The following GABRG3 variants were observed in gnomAD, a reference collection of about 807,000 sequenced individuals.
GABRG3 encodes the protein gamma-aminobutyric acid receptor subunit gamma-3.
GABRG3 carries 25 observed loss-of-function variants against 48.8 expected under a neutral mutation model. The observed-to-expected ratio is 0.51, with a 90% confidence interval of 0.37 to 0.72. The LOEUF is 0.72. GABRG3 is among the 30% of genes least tolerant of loss of function. GABRG3 has a pLI of 0.00. For missense variants in GABRG3, 394 were observed against 577.9 expected (o/e 0.68, Z 3.26); for synonymous variants, 227 against 217.6 (o/e 1.04, Z -0.38).
At chr15:27,000,832 A>G (rs1273496815) in intron 2 of GABRG3, among the ~76,000 whole-genome samples, 1 of 152,200 alleles carries the variant, frequency 6.6e-6, no homozygotes, top group African/African-American at 2.4e-5. Flanking sequence ...TTCTTCATAA[A>G]TTGTCCAGTC....
At chr15:27,281,065 A>G (rs1377091759) in intron 3 of GABRG3, among the ~76,000 whole-genome samples, 1 of 152,156 alleles carries the variant, frequency 6.6e-6, no homozygotes, top group African/African-American at 2.4e-5. Flanking sequence ...TTTTATTCTT[A>G]GGTAATGTTC....
intron 3 of GABRG3, among the ~76,000 whole-genome samples, chr15:27,214,024 G>C (rs930308572): frequency 6.6e-6 from 1 of 152,182 alleles, no homozygotes; most frequent in Admixed American, 6.5e-5. Flanking sequence ...TTTTTTAGCA[G>C]GTAAAATCAC....
chr15:26,981,053 A>G (rs771676475), intron 2 of GABRG3, among the ~76,000 whole-genome samples: 35 of 152,194 alleles, frequency 2.3e-4, no homozygotes, highest in Non-Finnish European at 2.6e-4. Context: ...AGAAACCTGC[A>G]CATGTACCCC....
intron 3 of GABRG3, among the ~76,000 whole-genome samples, chr15:27,242,430 TATTA>T (rs1890154270): frequency 6.6e-6 from 1 of 152,210 alleles, no homozygotes; most frequent in Non-Finnish European, 1.5e-5. Context: ...CTAACCAAAT[TATTA>T]ATTAACTAGG....
intron 5 of GABRG3, among the ~76,000 whole-genome samples, chr15:27,351,668 TTG>T (rs907427256): frequency 2.1e-5 from 3 of 146,120 alleles, no homozygotes; most frequent in South Asian, 2.2e-4. Context: ...TATGGGGTAT[TTG>T]TGTGTGTTTG....
intron 7 of GABRG3, among the ~76,000 whole-genome samples, chr15:27,524,140 TG>T (rs1465264511): frequency 6.6e-6 from 1 of 151,114 alleles, no homozygotes; most frequent in Non-Finnish European, 1.5e-5. Context: ...AGCAAAGAAA[TG>T]TCACCTTGCC....
At chr15:27,271,552 T>C in intron 3 of GABRG3, 2 of 455,242 alleles carry the variant, frequency 4.4e-6, no homozygotes, top group Non-Finnish European at 8.8e-6. Context: ...GAAGCTGGGG[T>C]GAGGGGTACA....
chr15:27,237,162 C>T (rs1010826679), intron 3 of GABRG3, among the ~76,000 whole-genome samples: 3 of 152,212 alleles, frequency 2.0e-5, no homozygotes, highest in African/African-American at 7.2e-5. Context: ...GTGAGAGCCT[C>T]CTTCAGACAT....
chr15:27,050,728 A>G (rs181300834), intron 3 of GABRG3, among the ~76,000 whole-genome samples: 36 of 152,142 alleles, frequency 2.4e-4, no homozygotes, highest in Non-Finnish European at 1.5e-5. Flanking sequence ...TTTTAAATTT[A>G]ATTATAATAT....
At chr15:27,100,081 G>A (rs1897330398) in intron 3 of GABRG3, among the ~76,000 whole-genome samples, 1 of 151,980 alleles carries the variant, frequency 6.6e-6, no homozygotes, top group Admixed American at 6.6e-5. Context: ...AGCTGGGTGT[G>A]GTGGTGCATG....
chr15:27,402,145 A>G lies in GABRG3; in HGVS notation c.574+73257A>G, dbSNP rs187905705. On this transcript the variant is annotated intron_variant, in intron 5 of 9. Coordinates refer to ENST00000615808, the MANE Select transcript of GABRG3 (RefSeq NM_033223.5). ...TTAAGTGCTTACAATTGAATGAATA[A>G]TATTAAAGCCAATCCCTCTTCCAAT... 5.7e-3 allele frequency among the ~76,000 whole-genome samples: 866 copies of G among 152,342 alleles called. 10 individuals are homozygous for G. Among genetic ancestry groups the G allele is most frequent in the African/African-American group, 0.02 (823 of 41,596 alleles).
chr15:27,458,304 C>T (rs773864668), intron 5 of GABRG3, among the ~76,000 whole-genome samples: 6 of 152,200 alleles, frequency 3.9e-5, no homozygotes, highest in Admixed American at 6.5e-5. Context: ...TTGGCCTTGA[C>T]GCTGTTTATC....
intron 3 of GABRG3, among the ~76,000 whole-genome samples, chr15:27,264,112 A>T (rs927777164): frequency 6.6e-6 from 1 of 152,014 alleles, no homozygotes; most frequent in African/African-American, 2.4e-5. Context: ...AATCAGAAGT[A>T]ACAGCAGAGG....
chr15:27,152,845 G>T (rs1898343186), intron 3 of GABRG3, among the ~76,000 whole-genome samples: 1 of 151,182 alleles, frequency 6.6e-6, no homozygotes, highest in Non-Finnish European at 1.5e-5. Flanking sequence ...TTAAATCTAT[G>T]ATCCTTTTCG....
chr15:27,185,437 ATTTAT>A, intron 3 of GABRG3, among the ~76,000 whole-genome samples: 1 of 152,178 alleles, frequency 6.6e-6, no homozygotes, highest in African/African-American at 2.4e-5. Context: ...AATTCTTGAG[ATTTAT>A]TTTATGTTGC....
At chr15:27,412,238 A>G (rs1490492189) in intron 5 of GABRG3, among the ~76,000 whole-genome samples, 1 of 152,086 alleles carries the variant, frequency 6.6e-6, no homozygotes, top group Non-Finnish European at 1.5e-5. Flanking sequence ...ACATCCTGCA[A>G]AAGGATAGTA....
chr15:27,444,745 C>T (rs1021661401), intron 5 of GABRG3, among the ~76,000 whole-genome samples: 8 of 152,210 alleles, frequency 5.3e-5, no homozygotes, highest in African/African-American at 1.7e-4. Context: ...GATTATATTT[C>T]GTCAGTTTAC....
intron 2 of GABRG3, among the ~76,000 whole-genome samples, chr15:26,995,537 A>G (rs1895324348): frequency 2.2e-5 from 3 of 134,552 alleles, no homozygotes; most frequent in South Asian, 2.7e-4. Flanking sequence ...TTCTCGTTTA[A>G]TATCTTTTTT....
At chr15:27,346,732 C>T (rs975533838) in intron 5 of GABRG3, among the ~76,000 whole-genome samples, 1 of 152,106 alleles carries the variant, frequency 6.6e-6, no homozygotes, top group Non-Finnish European at 1.5e-5. Context: ...ATGACCCCTC[C>T]TGCTCAAGGA....
Sources: gnomAD v4.1 joint callset for allele counts (sites outside exome capture counted in the v4.1 genomes callset) on GRCh38, gnomAD v4.1.1 for gene constraint, MANE v1.5 for transcripts, NCBI Gene and HGNC (gene_info 2026-07-23, HGNC 2026-07-21) for gene names.